CNBD1: variants seen among roughly 807,000 people sequenced by gnomAD.
CNBD1 encodes the protein cyclic nucleotide-binding domain-containing protein 1.
CNBD1 carries 71 observed loss-of-function variants against 54.4 expected under a neutral mutation model. That is an observed-to-expected ratio of 1.30 (90% CI 1.08 to 1.59). The LOEUF is 1.59. Ranked by LOEUF, CNBD1 falls within the 40% of genes most tolerant of loss-of-function variation. The pLI is 0.00. For missense variants in CNBD1, 659 were observed against 518.0 expected, an observed-to-expected ratio of 1.27 and a Z score of -2.64; for synonymous variants, 182 against 170.7, an observed-to-expected ratio of 1.07 and a Z score of -0.51.
chr8:86,877,280 C>T (rs1808535616), intron 1 of CNBD1, among the ~76,000 whole-genome samples: 1 of 152,098 alleles, frequency 6.6e-6, no homozygotes, highest in Admixed American at 6.6e-5. Flanking sequence ...CCATTATAAT[C>T]TATGAATAAG....
chr8:87,370,559 C>T (rs1277356762), intron 10 of CNBD1, among the ~76,000 whole-genome samples: 1 of 152,196 alleles, frequency 6.6e-6, no homozygotes, highest in East Asian at 1.9e-4. Flanking sequence ...CCTTTGCCCA[C>T]TTTTTGATGG....
downstream of CNBD1, among the ~76,000 whole-genome samples, chr8:87,387,108 A>G (rs986949719): frequency 2.6e-5 from 4 of 152,206 alleles, no homozygotes; most frequent in Non-Finnish European, 4.4e-5. Context: ...TGAAGGAAGC[A>G]CTAACATGGA....
At chr8:86,875,268 T>C (rs1214448321) in intron 1 of CNBD1, among the ~76,000 whole-genome samples, 1 of 152,090 alleles carries the variant, frequency 6.6e-6, no homozygotes, top group Non-Finnish European at 1.5e-5. Context: ...GCAGCTGTCC[T>C]CCTTACCTGG....
At chr8:87,254,090 A>G (rs868204614) in intron 6 of CNBD1, among the ~76,000 whole-genome samples, 1 of 152,208 alleles carries the variant, frequency 6.6e-6, no homozygotes, top group Non-Finnish European at 1.5e-5. Flanking sequence ...TTACAGAAAT[A>G]GGTCAGAAAT....
At chr8:87,341,526 G>C (rs545183303) in intron 8 of CNBD1, among the ~76,000 whole-genome samples, 2 of 152,228 alleles carry the variant, frequency 1.3e-5, no homozygotes, top group African/African-American at 4.8e-5. Context: ...TTGAATCTTT[G>C]CCATCTACAA....
chr8:86,904,051 A>G (rs1411295029), intron 2 of CNBD1, among the ~76,000 whole-genome samples: 2 of 152,012 alleles, frequency 1.3e-5, no homozygotes, highest in Non-Finnish European at 2.9e-5. Context: ...AAGTCTATAG[A>G]ATTTGTCTTG....
chr8:87,239,493 C>T (rs570588396), intron 6 of CNBD1, among the ~76,000 whole-genome samples: 1 of 152,090 alleles, frequency 6.6e-6, no homozygotes, highest in Non-Finnish European at 1.5e-5. Flanking sequence ...TTTCTTTCTC[C>T]CTTTTTTGGC....
intron 4 of CNBD1, among the ~76,000 whole-genome samples, chr8:86,964,010 CTG>C (rs895878495): frequency 6.6e-6 from 1 of 152,166 alleles, no homozygotes; most frequent in African/African-American, 2.4e-5. Context: ...ATTAGAGCCT[CTG>C]TCTTTTTCTT....
At chr8:86,978,346 C>G (rs573048309) in intron 4 of CNBD1, among the ~76,000 whole-genome samples, 1 of 152,148 alleles carries the variant, frequency 6.6e-6, no homozygotes, top group East Asian at 1.9e-4. Flanking sequence ...AAGGAACACT[C>G]TTTAATCTTA....
chr8:87,351,609 C>T (rs1387934980), intron 8 of CNBD1, 76 bp from the exon 9 acceptor site: 2 of 1,312,510 alleles, frequency 1.5e-6, no homozygotes, highest in Non-Finnish European at 1.0e-6. Flanking sequence ...AATACATTAA[C>T]TTTTGTTGCT....
At chr8:86,869,492 TGACTCTGAAATTCA>T (rs1279258134) in intron 1 of CNBD1, among the ~76,000 whole-genome samples, 1 of 152,230 alleles carries the variant, frequency 6.6e-6, no homozygotes, top group Admixed American at 6.5e-5. Flanking sequence ...GCTATCTTGT[TGACTCTGAAATTCA>T]GACTCAGACA....
rs561639870 is a variant in CNBD1 at position 87,224,544 on chromosome 8, G to A, written c.578-12375G>A. 3.3e-5 allele frequency among the ~76,000 whole-genome samples: 5 copies of A among 151,220 alleles called. 1 individual carries two copies. Among genetic ancestry groups the A allele is most frequent in the African/African-American group, 4.9e-5 (2 of 40,590 alleles). ...TTTTTCTCAGGTTTGTCAAAGATCA[G>A]ATAGTTGTAGATGTGCGGTGTTATT... On this transcript the variant is annotated intron_variant, in intron 5 of 10. Coordinates refer to ENST00000518476, the MANE Select transcript of CNBD1 (RefSeq NM_173538.3).
At chr8:87,263,150 TTGA>T (rs1808175798) in intron 6 of CNBD1, among the ~76,000 whole-genome samples, 1 of 152,172 alleles carries the variant, frequency 6.6e-6, no homozygotes, top group African/African-American at 2.4e-5. Context: ...GGTTTCAACC[TTGA>T]TGATCATTCT....
intron 5 of CNBD1, among the ~76,000 whole-genome samples, chr8:87,216,047 C>T (rs1420291862): frequency 6.6e-6 from 1 of 152,120 alleles, no homozygotes. Flanking sequence ...ATCTGCATTG[C>T]ATTATGTACT....
rs183560711 is a variant in CNBD1, at chr8:86,972,330, A to G, written c.431+32576A>G. On this transcript the variant is annotated intron_variant, in intron 4 of 10. Coordinates refer to ENST00000518476, the MANE Select transcript of CNBD1 (RefSeq NM_173538.3). ...TTTTAATGTATTTTGTTTTAATAGT[A>G]TGCTTCTAGTGATTTACCATATTGT... 2.0e-5 allele frequency among the ~76,000 whole-genome samples: 3 copies of G among 152,334 alleles called. No individual in the cohort carries two copies. In the East Asian group the frequency reaches 5.8e-4, roughly 29 times the overall value.
intron 6 of CNBD1, among the ~76,000 whole-genome samples, chr8:87,247,341 A>G (rs576223008): frequency 2.0e-5 from 3 of 152,178 alleles, no homozygotes; most frequent in Non-Finnish European, 4.4e-5. Flanking sequence ...TTGAAAGCTG[A>G]GAGAGGTGAT....
At chr8:87,221,407 G>C (rs2130809214) in intron 5 of CNBD1, among the ~76,000 whole-genome samples, 1 of 152,058 alleles carries the variant, frequency 6.6e-6, no homozygotes, top group South Asian at 2.1e-4. Context: ...AACCTTCCTA[G>C]CTTGATTGAA....
chr8:87,296,731 A>T (rs911711698), intron 8 of CNBD1, among the ~76,000 whole-genome samples: 6 of 152,084 alleles, frequency 3.9e-5, no homozygotes, highest in Non-Finnish European at 7.4e-5. Flanking sequence ...TAAAAAGAGA[A>T]ATAAGACTTT....
At chr8:86,969,949 G>C (rs906946138) in intron 4 of CNBD1, among the ~76,000 whole-genome samples, 4 of 150,972 alleles carry the variant, frequency 2.6e-5, no homozygotes, top group African/African-American at 7.3e-5. Flanking sequence ...TTTTTTTTCT[G>C]CCTGAAATAT....
Sources: allele counts gnomAD v4.1 joint callset (sites outside exome capture counted in the v4.1 genomes callset), GRCh38; gene constraint gnomAD v4.1.1; transcripts MANE v1.5; gene names NCBI Gene and HGNC (gene_info 2026-07-23, HGNC 2026-07-21).